Variants in ASB11 observed in about 807,000 individuals in gnomAD.
ASB11 encodes the protein ankyrin repeat and SOCS box containing 11, also known as ankyrin repeat and SOCS box protein 11.
Under a neutral mutation model 20.1 loss-of-function variants are expected in ASB11, and 17 were observed. The ratio of observed to expected loss-of-function variants is 0.85; its 90% CI spans 0.58 to 1.27. ASB11 has a LOEUF of 1.27. Ranked by LOEUF, ASB11 falls within the 50% of genes most tolerant of loss-of-function variation. The pLI is 0.00. For missense variants in ASB11, 259 were observed against 256.9 expected, an observed-to-expected ratio of 1.01 and a Z score of -0.06; for synonymous variants, 107 against 105.6, an observed-to-expected ratio of 1.01 and a Z score of -0.08.
chrX:15,281,992 G>C lies in ASB11; in HGVS notation c.*1513C>G, dbSNP rs1053096393. On this transcript the variant is annotated 3_prime_UTR_variant, in exon 7 of 7. Coordinates refer to ENST00000480796, the MANE Select transcript of ASB11 (RefSeq NM_080873.3). Reference sequence around the variant, plus strand: ...ATTACAGGCGTGAGCCACCATGCCCGGCCAGATCTGATAATTCTTTGTTGC... The same window carrying C: ...ATTACAGGCGTGAGCCACCATGCCCCGCCAGATCTGATAATTCTTTGTTGC... 4 of 111,842 alleles carry C rather than the reference G, an allele frequency of 3.6e-5. No individual in the cohort carries two copies. The highest frequency in any genetic ancestry group is 1.3e-4 in the African/African-American group (4 of 30,730). The allele number at this position is 111,842 out of a possible 1,213,427, so 9.2% of individuals were successfully genotyped here. A position where few individuals can be genotyped will look rare whatever the true frequency, so the allele number is the denominator to read the frequency against.
In ASB11 at chrX:15,313,638, A is replaced by G. The variant is rs573303390; in HGVS notation, c.181+1787T>C. 2.3e-4 allele frequency among the ~76,000 whole-genome samples: 26 copies of G among 112,199 alleles called. No individual in the cohort carries two copies. In the South Asian group the frequency reaches 9.3e-3, roughly 40 times the overall value. On this transcript the variant is annotated intron_variant, in intron 1 of 6. Coordinates refer to ENST00000480796, the MANE Select transcript of ASB11 (RefSeq NM_080873.3). ...CTATTTTAAGAGATTGAACAAGTAA[A>G]GATATTTGCACTACAGAATGAACGA...
At chrX:15,285,140 CTTTT>C (rs767822616) in intron 6 of ASB11, among the ~76,000 whole-genome samples, 3 of 81,564 alleles carry the variant, frequency 3.7e-5, no homozygotes, top group African/African-American at 1.4e-4. Context: ...TTTAATCTTT[CTTTT>C]TTTTTTTTTT....
intron 3 of ASB11, 126 bp downstream of exon 3, chrX:15,297,448 C>T (rs369669512): frequency 4.1e-5 from 19 of 464,518 alleles, no homozygotes; most frequent in Non-Finnish European, 6.3e-5. Context: ...TGATGGAATA[C>T]GGACATGGAT....
At chrX:15,314,595 G>T (rs182509376) in intron 1 of ASB11, 1 of 954,970 alleles carries the variant, frequency 1.0e-6, no homozygotes, top group East Asian at 3.6e-5. Flanking sequence ...TTTTGAAAGA[G>T]AATCCTGGAT....
intron 2 of ASB11, 67 bp downstream of exon 2, chrX:15,302,661 A>G (rs1921105306): frequency 9.2e-7 from 1 of 1,084,116 alleles, no homozygotes; most frequent in African/African-American, 1.8e-5. Context: ...TGCTACAGCC[A>G]AAGCTAATAA....
intron 6 of ASB11, among the ~76,000 whole-genome samples, chrX:15,284,042 G>A (rs1351843005): frequency 1.8e-5 from 2 of 108,651 alleles, no homozygotes; most frequent in East Asian, 2.9e-4. Flanking sequence ...CACGAGGTCA[G>A]GAGATGGAGA....
In ASB11 at chrX:15,283,182, A is replaced by G. The variant is rs1344953070; in HGVS notation, c.*323T>C. 2.5e-5 allele frequency: 4 copies of G among 161,061 alleles called. No homozygotes were observed. Among genetic ancestry groups the G allele is most frequent in the African/African-American group, 9.0e-5 (3 of 33,328 alleles). 13.3% of individuals were successfully genotyped at this position (161,061 alleles called of 1,213,427 possible). ...ATTTATATGTGTCTATACAATATTC[A>G]GAATGTTGACTTTTAGGTACAAGAA... On this transcript the variant is annotated 3_prime_UTR_variant, in exon 7 of 7. Transcript: ENST00000480796.
In ASB11 at chrX:15,293,230, C is replaced by T. The variant is rs376376953; in HGVS notation, c.460G>A (p.Gly154Arg). Residue 154 changes from glycine to arginine, a missense_variant, in exon 4 of 7, where the codon GGA (glycine) becomes AGA (arginine). Gly to Arg is a moderately radical substitution (Grantham distance 125, BLOSUM62 -2). Coordinates refer to ENST00000480796, the MANE Select transcript of ASB11 (RefSeq NM_080873.3). ...TGCACCTCCAACTGGGCCTTGGCTC[C>T]GAACTCCAGCAGCACATTGACACAT... ...AACVNVLLEFGAKAQLEVHLA... is the reference protein window; with the variant it reads ...AACVNVLLEFRAKAQLEVHLA... 9.1e-6 allele frequency: 11 copies of T among 1,210,094 alleles called. No homozygotes were observed. Among genetic ancestry groups the T allele is most frequent in the Admixed American group, 4.4e-5 (2 of 45,693 alleles).
intron 3 of ASB11, among the ~76,000 whole-genome samples, chrX:15,294,039 AAAAT>A (rs1180625430): frequency 1.3e-4 from 15 of 111,400 alleles, no homozygotes; most frequent in East Asian, 8.3e-4. Flanking sequence ...AATAAAAATA[AAAAT>A]AAATAAATAA....
chrX:15,311,476 G>A (rs1376216686), intron 1 of ASB11, among the ~76,000 whole-genome samples: 1 of 112,309 alleles, frequency 8.9e-6, no homozygotes, highest in Non-Finnish European at 1.9e-5. Flanking sequence ...AGAAGGCTAG[G>A]TCGAGGTTTG....
At chrX:15,303,486 C>T (rs1436690151) in intron 1 of ASB11, among the ~76,000 whole-genome samples, 1 of 112,037 alleles carries the variant, frequency 8.9e-6, no homozygotes, top group African/African-American at 3.2e-5. Flanking sequence ...TCCCCAAATT[C>T]TCTAGGTAAT....
At chrX:15,306,946 C>G (rs1244598786) in intron 1 of ASB11, among the ~76,000 whole-genome samples, 1 of 111,455 alleles carries the variant, frequency 9.0e-6, no homozygotes, top group African/African-American at 3.3e-5. Flanking sequence ...GCTGCCAGCT[C>G]GGCACCCTGA....
chrX:15,305,247 TA>T (rs1300913067), intron 1 of ASB11, among the ~76,000 whole-genome samples: 2 of 111,815 alleles, frequency 1.8e-5, no homozygotes, highest in African/African-American at 6.5e-5. Context: ...TCATGTGCCA[TA>T]AGAAGAAACA....
At chrX:15,294,491 C>T (rs1175493301) in intron 3 of ASB11, among the ~76,000 whole-genome samples, 9 of 111,666 alleles carry the variant, frequency 8.1e-5, no homozygotes, top group Non-Finnish European at 1.9e-5. Context: ...CTGCCTCAGC[C>T]TCCTGAGCAG....
chrX:15,291,142 A>C (rs980566462), intron 4 of ASB11, among the ~76,000 whole-genome samples: 1 of 112,311 alleles, frequency 8.9e-6, no homozygotes, highest in African/African-American at 3.2e-5. Context: ...AGTGTATAAA[A>C]TAATGAATTT....
intron 2 of ASB11, 128 bp downstream of exon 2, chrX:15,302,600 T>TA (rs1921103493): frequency 3.4e-6 from 2 of 587,286 alleles, no homozygotes; most frequent in Non-Finnish European, 2.7e-6. Context: ...TGAGAGGACA[T>TA]ACGTGCCTCG....
At chrX:15,302,945 TC>T (rs1356400436) in intron 1 of ASB11, 138 bp from the exon 2 acceptor site, 1 of 502,256 alleles carries the variant, frequency 2.0e-6, no homozygotes, top group Non-Finnish European at 3.4e-6. Flanking sequence ...CATCAGGCTC[TC>T]TCGTCAGCCA....
At chrX:15,285,140 CTTTTTTTTT>C (rs767822616) in intron 6 of ASB11, among the ~76,000 whole-genome samples, 4 of 81,569 alleles carry the variant, frequency 4.9e-5, no homozygotes, top group African/African-American at 1.8e-4. Context: ...TTTAATCTTT[CTTTTTTTTT>C]TTTTTTTTTT....
intron 4 of ASB11, chrX:15,292,047 AAAG>A: frequency 9.1e-6 from 1 of 110,354 alleles, no homozygotes; most frequent in African/African-American, 3.3e-5. Flanking sequence ...AAAAAAAAAA[AAAG>A]AAAGAAAGAC....
Sources: allele counts gnomAD v4.1 joint callset (sites outside exome capture counted in the v4.1 genomes callset), GRCh38; gene constraint gnomAD v4.1.1; transcripts MANE v1.5; gene names NCBI Gene and HGNC (gene_info 2026-07-23, HGNC 2026-07-21).